SMG6: variants seen among roughly 807,000 people sequenced by gnomAD.
The protein encoded by SMG6 is telomerase-binding protein EST1A.
In SMG6, 66 loss-of-function variants were observed where a neutral mutation model predicts 142.2. The observed-to-expected ratio is 0.46, with a 90% CI of 0.38 to 0.57. The LOEUF is 0.57. Among genes scored for constraint, SMG6 ranks in the 20% least tolerant of loss-of-function variants. The pLI is 0.00. For missense variants in SMG6, 1,793 were observed against 1,832.0 expected, an observed-to-expected ratio of 0.98 and a Z score of 0.39; for synonymous variants, 779 against 702.4, an observed-to-expected ratio of 1.11 and a Z score of -1.72.
intron 13 of SMG6, among the ~76,000 whole-genome samples, chr17:2,118,690 C>A (rs1023453565): frequency 2.7e-5 from 4 of 149,908 alleles, no homozygotes; most frequent in Non-Finnish European, 5.9e-5. Context: ...TGGCACACTG[C>A]AGCCTTGCCG....
At chr17:2,207,196 G>C (rs1309674742) in intron 10 of SMG6, among the ~76,000 whole-genome samples, 1 of 151,320 alleles carries the variant, frequency 6.6e-6, no homozygotes, top group Non-Finnish European at 1.5e-5. Flanking sequence ...ACTGAGGCAT[G>C]AGAATCACTT....
intron 10 of SMG6, among the ~76,000 whole-genome samples, chr17:2,211,782 C>T (rs887282447): frequency 7.9e-5 from 12 of 152,270 alleles, no homozygotes; most frequent in South Asian, 2.1e-4. Flanking sequence ...GTTACTGTGC[C>T]CAACACGGCT....
chr17:2,104,436 A>G (rs761691876), intron 13 of SMG6, among the ~76,000 whole-genome samples: 66 of 152,286 alleles, frequency 4.3e-4, no homozygotes, highest in Admixed American at 1.4e-3. Flanking sequence ...TTTATTGTGA[A>G]AAGAAGTCCT....
At chr17:2,074,090 A>C (rs1324231680) in intron 15 of SMG6, among the ~76,000 whole-genome samples, 4 of 150,818 alleles carry the variant, frequency 2.7e-5, no homozygotes, top group African/African-American at 4.8e-5. Context: ...TCTCAAAAAA[A>C]GAGAGAGAGA....
chr17:2,198,950 T>TA (rs55660022), intron 10 of SMG6, among the ~76,000 whole-genome samples: 3,911 of 101,200 alleles, frequency 0.039, 68 homozygotes, highest in African/African-American at 0.09. Context: ...AAAATAAAAT[T>TA]AAAAAAAAAA....
intron 13 of SMG6, among the ~76,000 whole-genome samples, chr17:2,088,956 G>A (rs945843834): frequency 6.6e-5 from 10 of 152,164 alleles, no homozygotes; most frequent in Admixed American, 3.9e-4. Context: ...CAGGGAAAAA[G>A]CAACACAAGA....
chr17:2,236,943 C>G (rs1045999494), intron 9 of SMG6: 11 of 671,030 alleles, frequency 1.6e-5, no homozygotes, highest in Non-Finnish European at 2.1e-5. Context: ...TAACTGTGTT[C>G]AAGCTAATAT....
intron 10 of SMG6, among the ~76,000 whole-genome samples, chr17:2,222,117 A>T (rs1240313144): frequency 6.6e-6 from 1 of 152,232 alleles, no homozygotes; most frequent in Non-Finnish European, 1.5e-5. Flanking sequence ...TTAGATGTTC[A>T]CAATGTATCA....
chr17:2,080,192 G>T (rs1336110806), intron 15 of SMG6, among the ~76,000 whole-genome samples: 1 of 152,030 alleles, frequency 6.6e-6, no homozygotes, highest in African/African-American at 2.4e-5. Flanking sequence ...GCAGAGGCGG[G>T]CAGATCACCT....
At chr17:2,234,868 A>G (rs2073605451) in intron 10 of SMG6, among the ~76,000 whole-genome samples, 1 of 152,216 alleles carries the variant, frequency 6.6e-6, no homozygotes, top group Non-Finnish European at 1.5e-5. Flanking sequence ...CACCAAGCAC[A>G]GCTAATTTTT....
In SMG6 at chr17:2,234,188, G is replaced by A. The variant is rs540436309; in HGVS notation, c.2869+2304C>T. On this transcript the variant is annotated intron_variant, in intron 10 of 18. Transcript: ENST00000263073. ...CTTGGCCTCACATCAGGGAACAACC[G>A]ATTTCTTTCTCTGTACTCACCATCT... 2.6e-5 allele frequency among the ~76,000 whole-genome samples: 4 copies of A among 152,026 alleles called. No homozygotes were observed. The East Asian group carries it at 5.8e-4, about 22-fold the overall frequency.
In SMG6 at chr17:2,173,016, G is replaced by T. The variant is rs1051660024; in HGVS notation, c.3156-157C>A. The T allele has an allele frequency of 4.3e-6, 3 of 695,178 alleles. No homozygotes were observed. The East Asian group carries it at 8.1e-5, about 19-fold the overall frequency. 43.1% of individuals were successfully genotyped at this position (695,178 alleles called of 1,614,324 possible). On this transcript the variant is annotated intron_variant, in intron 12 of 18. Coordinates refer to ENST00000263073, the MANE Select transcript of SMG6 (RefSeq NM_017575.5). ...CCCAAAAATGCTAGGAAACAAAACT[G>T]TGCCCAAGGCAGCAATCTGAGGTAT...
intron 8 of SMG6, among the ~76,000 whole-genome samples, chr17:2,269,004 A>G (rs1487696540): frequency 6.6e-6 from 1 of 151,864 alleles, no homozygotes; most frequent in Non-Finnish European, 1.5e-5. Flanking sequence ...GGAGATCGAG[A>G]CCATCCTGGC....
At chr17:2,132,545 C>T (rs1230454291) in intron 13 of SMG6, among the ~76,000 whole-genome samples, 6 of 152,084 alleles carry the variant, frequency 3.9e-5, no homozygotes, top group African/African-American at 1.4e-4. Flanking sequence ...AGAGAAAATA[C>T]AAAATTGTAT....
intron 8 of SMG6, among the ~76,000 whole-genome samples, chr17:2,259,096 G>A (rs933122411): frequency 6.6e-6 from 1 of 151,136 alleles, no homozygotes; most frequent in African/African-American, 2.4e-5. Flanking sequence ...ACAAACAAAA[G>A]GCAACTTTTT....
intron 13 of SMG6, among the ~76,000 whole-genome samples, chr17:2,086,879 C>A (rs1011802661): frequency 6.6e-6 from 1 of 152,194 alleles, no homozygotes; most frequent in Non-Finnish European, 1.5e-5. Context: ...AGGGGCCCTG[C>A]TGGATCTGGA....
intron 13 of SMG6, among the ~76,000 whole-genome samples, chr17:2,164,693 T>C (rs1052806237): frequency 6.6e-6 from 1 of 151,970 alleles, no homozygotes; most frequent in Non-Finnish European, 1.5e-5. Context: ...TCCCAGCACT[T>C]TGGGAGGCTG....
At chr17:2,227,194 T>C (rs78668755) in intron 10 of SMG6, among the ~76,000 whole-genome samples, 1,558 of 152,284 alleles carry the variant, frequency 0.01, 30 homozygotes, top group African/African-American at 0.034. Flanking sequence ...AAGATACACA[T>C]GCCATATGAT....
chr17:2,138,113 T>C (rs557026748), intron 13 of SMG6, among the ~76,000 whole-genome samples: 2 of 151,294 alleles, frequency 1.3e-5, no homozygotes, highest in East Asian at 3.9e-4. Context: ...GGTGTTGTTA[T>C]ATCACAACAT....
Sources: allele counts gnomAD v4.1 joint callset (sites outside exome capture counted in the v4.1 genomes callset), GRCh38; gene constraint gnomAD v4.1.1; transcripts MANE v1.5; gene names NCBI Gene and HGNC (gene_info 2026-07-23, HGNC 2026-07-21).